SNTG1: variants seen among roughly 807,000 people sequenced by gnomAD.
The protein encoded by SNTG1 is gamma-1-syntrophin.
SNTG1 carries 39 observed loss-of-function variants against 74.7 expected under a neutral mutation model. That is an observed-to-expected ratio of 0.52 (90% CI 0.40 to 0.68). The LOEUF is 0.68. SNTG1 is among the 30% of genes least tolerant of loss of function. The pLI, the probability that SNTG1 is intolerant of heterozygous loss-of-function variation, is 0.00. For missense variants in SNTG1, 685 were observed against 609.5 expected, an observed-to-expected ratio of 1.12 and a Z score of -1.30; for synonymous variants, 254 against 217.1, an observed-to-expected ratio of 1.17 and a Z score of -1.49.
chr8:50,012,121 CAT>C (rs113700041), intron 1 of SNTG1, among the ~76,000 whole-genome samples: 7,813 of 152,152 alleles, frequency 0.051, 654 homozygotes, highest in African/African-American at 0.17. Context: ...TTTTCACACA[CAT>C]GTTAATTTCA....
chr8:50,530,332 G>C, intron 10 of SNTG1, 73 bp downstream of exon 10: 1 of 1,353,542 alleles, frequency 7.4e-7, no homozygotes, highest in Non-Finnish European at 1.1e-6. Context: ...TAGTGAATCT[G>C]ATTTATCTGA....
intron 18 of SNTG1, among the ~76,000 whole-genome samples, chr8:50,770,762 C>T (rs1452643797): frequency 6.6e-6 from 1 of 151,978 alleles, no homozygotes; most frequent in Non-Finnish European, 1.5e-5. Context: ...GGTGAGTTCT[C>T]ATTCTAGGAG....
intron 1 of SNTG1, among the ~76,000 whole-genome samples, chr8:49,973,965 T>C (rs1462668015): frequency 6.6e-6 from 1 of 152,204 alleles, no homozygotes; most frequent in East Asian, 1.9e-4. Context: ...ATCATATAAA[T>C]ATTTTACCAT....
At chr8:50,403,080 G>T (rs917644946) in intron 4 of SNTG1, among the ~76,000 whole-genome samples, 8 of 152,172 alleles carry the variant, frequency 5.3e-5, no homozygotes, top group African/African-American at 1.9e-4. Flanking sequence ...GTATAATAAT[G>T]CTATTAAAGG....
At chr8:50,199,956 A>G (rs2083923492) in intron 2 of SNTG1, among the ~76,000 whole-genome samples, 1 of 152,156 alleles carries the variant, frequency 6.6e-6, no homozygotes, top group South Asian at 2.1e-4. Context: ...TAATAGGATG[A>G]TAGGCAAGGA....
rs142585874 is a variant in SNTG1, at chr8:50,347,220, G to T, written c.-27-46992G>T. On this transcript the variant is annotated intron_variant, in intron 2 of 18. Coordinates refer to ENST00000642720, the MANE Select transcript of SNTG1 (RefSeq NM_018967.5). Reference sequence around the variant, plus strand: ...GCTTGTGACTTCAGTTAAAACCAATGCTTGTTTACCATTTTTTAAATCCTA... The same window carrying T: ...GCTTGTGACTTCAGTTAAAACCAATTCTTGTTTACCATTTTTTAAATCCTA... Among the ~76,000 whole-genome samples, 454 of 152,260 alleles carry T rather than the reference G, an allele frequency of 3.0e-3. 3 individuals are homozygous for T. Among genetic ancestry groups the T allele is most frequent in the African/African-American group, 0.01 (427 of 41,548 alleles).
chr8:50,059,384 C>G (rs149318346), intron 1 of SNTG1, among the ~76,000 whole-genome samples: 1 of 152,136 alleles, frequency 6.6e-6, no homozygotes, highest in East Asian at 1.9e-4. Flanking sequence ...TTGAAGCATA[C>G]AATTTAATGG....
At chr8:50,388,078 C>T (rs1260334870) in intron 2 of SNTG1, among the ~76,000 whole-genome samples, 1 of 152,168 alleles carries the variant, frequency 6.6e-6, no homozygotes, top group African/African-American at 2.4e-5. Flanking sequence ...CAGGATGAGA[C>T]TCTGGGTTTA....
intron 1 of SNTG1, among the ~76,000 whole-genome samples, chr8:50,052,590 T>C (rs1462500689): frequency 6.6e-6 from 1 of 152,116 alleles, no homozygotes; most frequent in Non-Finnish European, 1.5e-5. Flanking sequence ...TCATTAAAAT[T>C]AAAAAAGAGT....
chr8:50,762,545 C>G (rs1228857776), intron 18 of SNTG1: 1 of 374,290 alleles, frequency 2.7e-6, no homozygotes, highest in Non-Finnish European at 5.3e-6. Flanking sequence ...CTTCTTAATG[C>G]AGGCAAAGAT....
intron 1 of SNTG1, among the ~76,000 whole-genome samples, chr8:49,998,326 C>T (rs1736322419): frequency 1.3e-5 from 2 of 152,082 alleles, no homozygotes; most frequent in South Asian, 2.1e-4. Context: ...TTGTTGTAGA[C>T]TTTATAAACA....
chr8:50,094,805 G>T lies in SNTG1; in HGVS notation c.-102-77756G>T, dbSNP rs1371876818. On this transcript the variant is annotated intron_variant, in intron 1 of 18. Coordinates refer to ENST00000642720, the MANE Select transcript of SNTG1 (RefSeq NM_018967.5). ...ATTGGACCCAGCAATCTCATTACTGGGTATATACGCAGAGGAATATAAATC... is the reference window on the plus strand; with the variant it reads ...ATTGGACCCAGCAATCTCATTACTGTGTATATACGCAGAGGAATATAAATC... Among the ~76,000 whole-genome samples, 3 of 152,044 alleles carry T rather than the reference G, an allele frequency of 2.0e-5. No individual in the cohort carries two copies. In the East Asian group the frequency reaches 5.8e-4, roughly 29 times the overall value.
chr8:50,692,671 C>T (rs2095386741), intron 15 of SNTG1, among the ~76,000 whole-genome samples: 1 of 152,180 alleles, frequency 6.6e-6, no homozygotes, highest in Non-Finnish European at 1.5e-5. Flanking sequence ...CTGGGGGGTG[C>T]CTCCCAGTTA....
chr8:49,977,286 A>T (rs1223677930), intron 1 of SNTG1, among the ~76,000 whole-genome samples: 1 of 151,824 alleles, frequency 6.6e-6, no homozygotes, highest in Non-Finnish European at 1.5e-5. Context: ...TTTTTTTCAG[A>T]AATTAAAAAA....
chr8:50,526,922 C>T (rs977948692), intron 9 of SNTG1, among the ~76,000 whole-genome samples: 6 of 151,954 alleles, frequency 3.9e-5, no homozygotes, highest in Non-Finnish European at 5.9e-5. Flanking sequence ...GCGCCCGGCC[C>T]GAAGTCAGCA....
chr8:50,233,580 C>T (rs1460106547), intron 2 of SNTG1, among the ~76,000 whole-genome samples: 3 of 151,600 alleles, frequency 2.0e-5, no homozygotes, highest in African/African-American at 7.2e-5. Flanking sequence ...ATCAATTAAA[C>T]ACTAGCTTTG....
At chr8:50,153,481 AT>A (rs1352168010) in intron 1 of SNTG1, among the ~76,000 whole-genome samples, 2 of 152,012 alleles carry the variant, frequency 1.3e-5, no homozygotes, top group East Asian at 1.9e-4. Context: ...AGGTACTCTG[AT>A]TTTTAGAATT....
At chr8:50,238,413 C>T (rs6981805) in intron 2 of SNTG1, among the ~76,000 whole-genome samples, 85,972 of 152,036 alleles carry the variant, frequency 0.57, 28,016 homozygotes, top group East Asian at 0.84. Flanking sequence ...ATTCAATAAA[C>T]GATGTTGGGA....
chr8:49,976,905 G>A (rs144801503), intron 1 of SNTG1, among the ~76,000 whole-genome samples: 36 of 152,266 alleles, frequency 2.4e-4, no homozygotes, highest in Admixed American at 6.5e-4. Context: ...GTGCAGAAAC[G>A]AATCATAGAG....
Sources: gnomAD v4.1 joint callset for allele counts (sites outside exome capture counted in the v4.1 genomes callset) on GRCh38, gnomAD v4.1.1 for gene constraint, MANE v1.5 for transcripts, NCBI Gene and HGNC (gene_info 2026-07-23, HGNC 2026-07-21) for gene names.